CTNNA3: variants seen among roughly 807,000 people sequenced by gnomAD.
CTNNA3 encodes the protein catenin alpha-3.
In CTNNA3, 76 loss-of-function variants were observed where a neutral mutation model predicts 95.7. That is an observed-to-expected ratio of 0.79 (90% CI 0.66 to 0.96). The LOEUF (loss-of-function observed/expected upper bound fraction) is 0.96, where lower values mean the gene tolerates loss of function less well. Ranked by LOEUF, CTNNA3 falls within the 40% of genes least tolerant of loss-of-function variation. The pLI, the probability that CTNNA3 is intolerant of heterozygous loss-of-function variation, is 0.00. For synonymous variants in CTNNA3, 431 were observed against 374.4 expected (o/e 1.15, Z -1.74); for missense variants, 1,191 against 1,089.8 (o/e 1.09, Z -1.31).
At chr10:67,081,368 T>G (rs1174974932) in intron 7 of CTNNA3, among the ~76,000 whole-genome samples, 1 of 152,192 alleles carries the variant, frequency 6.6e-6, no homozygotes, top group Non-Finnish European at 1.5e-5. Context: ...TACAATCATC[T>G]CTTTCACTTA....
intron 7 of CTNNA3, among the ~76,000 whole-genome samples, chr10:66,882,279 T>C (rs1589373328): frequency 1.3e-5 from 2 of 152,120 alleles, no homozygotes; most frequent in Admixed American, 1.3e-4. Context: ...CTATTTGTTT[T>C]AATTCAAAAT....
At chr10:66,136,393 C>T (rs577242000) in intron 13 of CTNNA3, among the ~76,000 whole-genome samples, 1 of 151,982 alleles carries the variant, frequency 6.6e-6, no homozygotes, top group South Asian at 2.1e-4. Context: ...ATGAGTAAGA[C>T]CAACAAAAAA....
At chr10:67,339,081 A>G (rs1842089764) in intron 5 of CTNNA3, among the ~76,000 whole-genome samples, 1 of 152,194 alleles carries the variant, frequency 6.6e-6, no homozygotes, top group African/African-American at 2.4e-5. Flanking sequence ...AGAATGGAGA[A>G]GTGGCTGAGT....
At position 66,695,916 on chromosome 10, in the gene CTNNA3, A is replaced by AGGGGG. The variant is rs34200783; in HGVS notation, c.1281+70343_1281+70347dup. Among the ~76,000 whole-genome samples, 6 of 119,364 alleles carry AGGGGG rather than the reference A, an allele frequency of 5.0e-5. No homozygotes were observed. The South Asian group carries it at 9.8e-4, about 19-fold the overall frequency. The allele number at this position is 119,364 out of a possible 152,430, so 78.3% of individuals were successfully genotyped here. On this transcript the variant is annotated intron_variant, in intron 9 of 17. Coordinates refer to ENST00000433211, the MANE Select transcript of CTNNA3 (RefSeq NM_013266.4). ...CTAAAAATTGGGTGAAAGAGACGTA[A>AGGGGG]GGGGGGGGGGCAATAAAAATGTATT... is the stretch of plus-strand genomic sequence containing the variant.
At chr10:67,500,656 C>T (rs990501034) in intron 5 of CTNNA3, among the ~76,000 whole-genome samples, 27 of 152,178 alleles carry the variant, frequency 1.8e-4, no homozygotes, top group African/African-American at 6.0e-4. Context: ...CTTCTTGTCA[C>T]GTTGATTGCT....
At chr10:66,245,368 G>A (rs1417672832) in intron 13 of CTNNA3, among the ~76,000 whole-genome samples, 1 of 152,192 alleles carries the variant, frequency 6.6e-6, no homozygotes, top group Non-Finnish European at 1.5e-5. Context: ...TGGGATCCCT[G>A]AGGGGCCACA....
chr10:66,003,719 A>G (rs1250835149), intron 15 of CTNNA3, among the ~76,000 whole-genome samples: 5 of 152,228 alleles, frequency 3.3e-5, no homozygotes, highest in African/African-American at 1.2e-4. Flanking sequence ...TGAAGATTTA[A>G]TATTTTTTTG....
intron 1 of CTNNA3, among the ~76,000 whole-genome samples, chr10:67,718,637 T>C (rs1841159349): frequency 6.6e-6 from 1 of 152,216 alleles, no homozygotes; most frequent in Non-Finnish European, 1.5e-5. Context: ...TGAACGAGCC[T>C]TGCATCCCAG....
chr10:67,059,547 T>C (rs1035696142), intron 7 of CTNNA3, among the ~76,000 whole-genome samples: 1 of 152,186 alleles, frequency 6.6e-6, no homozygotes, highest in Non-Finnish European at 1.5e-5. Context: ...CGTCAAAGTA[T>C]ATTTGGTGCC....
At chr10:66,512,599 AG>A (rs1283620609) in intron 11 of CTNNA3, among the ~76,000 whole-genome samples, 1 of 152,104 alleles carries the variant, frequency 6.6e-6, no homozygotes, top group Non-Finnish European at 1.5e-5. Flanking sequence ...CCAATGATAT[AG>A]ACACATATCT....
intron 6 of CTNNA3, among the ~76,000 whole-genome samples, chr10:67,196,161 A>G (rs982352181): frequency 6.6e-6 from 1 of 152,126 alleles, no homozygotes; most frequent in Non-Finnish European, 1.5e-5. Context: ...GAGAGCTCAT[A>G]GACTCCCTTT....
At chr10:66,781,079 A>C (rs182532123) in intron 7 of CTNNA3, among the ~76,000 whole-genome samples, 1 of 151,736 alleles carries the variant, frequency 6.6e-6, no homozygotes, top group East Asian at 1.9e-4. Context: ...TCACCCTATA[A>C]ATTATGAAGC....
chr10:67,640,575 G>T (rs56010502), intron 2 of CTNNA3, among the ~76,000 whole-genome samples: 2 of 152,102 alleles, frequency 1.3e-5, no homozygotes, highest in South Asian at 4.2e-4. Flanking sequence ...GAACAAAGCT[G>T]GAGGCATCAC....
intron 7 of CTNNA3, among the ~76,000 whole-genome samples, chr10:66,791,732 CAGTT>C (rs1384757516): frequency 6.6e-6 from 1 of 152,032 alleles, no homozygotes; most frequent in African/African-American, 2.4e-5. Flanking sequence ...AGTACTGAAT[CAGTT>C]AGTGAATTAA....
chr10:65,962,368 G>A (rs1381786362), intron 17 of CTNNA3, among the ~76,000 whole-genome samples: 1 of 151,968 alleles, frequency 6.6e-6, no homozygotes, highest in Non-Finnish European at 1.5e-5. Flanking sequence ...TGCCATTGTT[G>A]ACTAAGTAAA....
chr10:66,486,539 A>T (rs1839732389), intron 11 of CTNNA3, among the ~76,000 whole-genome samples: 1 of 152,154 alleles, frequency 6.6e-6, no homozygotes, highest in Non-Finnish European at 1.5e-5. Flanking sequence ...AAGACAAGAG[A>T]TAAGAAGTAT....
chr10:66,092,151 G>C (rs1005775387), intron 14 of CTNNA3, among the ~76,000 whole-genome samples: 2 of 151,752 alleles, frequency 1.3e-5, no homozygotes, highest in African/African-American at 4.8e-5. Flanking sequence ...AGCAAATTTA[G>C]TTAGTTTTAC....
intron 7 of CTNNA3, among the ~76,000 whole-genome samples, chr10:66,917,358 A>T (rs2132585642): frequency 6.6e-6 from 1 of 152,282 alleles, no homozygotes; most frequent in African/African-American, 2.4e-5. Flanking sequence ...TTCAACTGGG[A>T]ATGGCCACAG....
At chr10:66,028,301 T>C (rs2079381808) in intron 15 of CTNNA3, among the ~76,000 whole-genome samples, 2 of 152,190 alleles carry the variant, frequency 1.3e-5, no homozygotes, top group South Asian at 2.1e-4. Flanking sequence ...TGCACACATA[T>C]GTTTATTGTA....
Sources: gnomAD v4.1 joint callset for allele counts (sites outside exome capture counted in the v4.1 genomes callset) on GRCh38, gnomAD v4.1.1 for gene constraint, MANE v1.5 for transcripts, NCBI Gene and HGNC (gene_info 2026-07-23, HGNC 2026-07-21) for gene names.